Variants in TECRL observed in about 807,000 individuals in gnomAD.
The protein encoded by TECRL is trans-2,3-enoyl-CoA reductase like.
Under a neutral mutation model 52.8 loss-of-function variants are expected in TECRL, and 63 were observed. The ratio of observed to expected loss-of-function variants is 1.19; its 90% confidence interval spans 0.97 to 1.47. The LOEUF is 1.47. TECRL is among the 40% of genes most tolerant of loss of function. TECRL has a pLI of 0.00. For synonymous variants in TECRL, 164 were observed against 141.9 expected (o/e 1.16, Z -1.10); for missense variants, 482 against 429.6 (o/e 1.12, Z -1.08).
chr4:64,318,337 A>G (rs564919043), intron 4 of TECRL, among the ~76,000 whole-genome samples: 1 of 152,242 alleles, frequency 6.6e-6, no homozygotes, highest in South Asian at 2.1e-4. Context: ...TCAGATATGT[A>G]AAAACTTTGA....
At chr4:64,304,207 G>A (rs1209574476) in intron 7 of TECRL, among the ~76,000 whole-genome samples, 1 of 151,800 alleles carries the variant, frequency 6.6e-6, no homozygotes, top group Non-Finnish European at 1.5e-5. Context: ...CGTTGTAAAG[G>A]TAATAAGTAC....
chr4:64,285,750 A>T (rs1723047457), intron 9 of TECRL, among the ~76,000 whole-genome samples: 2 of 152,126 alleles, frequency 1.3e-5, no homozygotes, highest in African/African-American at 4.8e-5. Context: ...ATTATCTGAA[A>T]TTAGTTGAGG....
At chr4:64,330,247 T>C (rs1356768070) in intron 2 of TECRL, among the ~76,000 whole-genome samples, 1 of 152,074 alleles carries the variant, frequency 6.6e-6, no homozygotes, top group African/African-American at 2.4e-5. Flanking sequence ...TGCCAATTTA[T>C]TTTCTGAAAT....
In TECRL at chr4:64,279,376, A is replaced by G. The variant is rs1347928140; in HGVS notation, c.*696T>C. On this transcript the variant is annotated 3_prime_UTR_variant, in exon 12 of 12. Transcript: ENST00000381210. ...GGAGCAACCTCGAGTAGCTGGGACT[A>G]CCTACTGGCATGTGCCACCACGCCC... 1 of 152,120 alleles carries G rather than the reference A, an allele frequency of 6.6e-6. No homozygotes were observed. Among genetic ancestry groups the G allele is most frequent in the East Asian group, 1.9e-4 (1 of 5,176 alleles). The allele number at this position is 152,120 out of a possible 1,614,324, so 9.4% of individuals were successfully genotyped here.
intron 4 of TECRL, among the ~76,000 whole-genome samples, 195 bp downstream of exon 4, chr4:64,322,494 T>C (rs1005785594): frequency 2.0e-5 from 3 of 151,780 alleles, no homozygotes; most frequent in South Asian, 4.2e-4. Context: ...TCTTCCTTTT[T>C]CAAAACTGTG....
rs202064694 is a variant in TECRL, at chr4:64,361,466, G to C, written c.286+13706C>G. ...AATTTTTCATGCAGCCCCCATTGGA[G>C]TGTGGTTGCCAGAAGATTGGGAACA... On this transcript the variant is annotated intron_variant, in intron 2 of 11. Coordinates refer to ENST00000381210, the MANE Select transcript of TECRL (RefSeq NM_001010874.5). Among the ~76,000 whole-genome samples the C allele has an allele frequency of 7.2e-5, 11 of 152,264 alleles. No individual in the cohort carries two copies. The East Asian group carries it at 2.1e-3, about 29-fold the overall frequency.
At chr4:64,306,246 A>G (rs1352321455) in intron 6 of TECRL, among the ~76,000 whole-genome samples, 3 of 152,150 alleles carry the variant, frequency 2.0e-5, no homozygotes, top group Non-Finnish European at 2.9e-5. Flanking sequence ...GGACTTTGTC[A>G]AAACCTCTTC....
At chr4:64,293,023 A>G (rs1487694270) in intron 8 of TECRL, among the ~76,000 whole-genome samples, 1 of 152,012 alleles carries the variant, frequency 6.6e-6, no homozygotes, top group African/African-American at 2.4e-5. Flanking sequence ...CTTATATCAT[A>G]TAATCTTTAT....
intron 2 of TECRL, among the ~76,000 whole-genome samples, chr4:64,340,380 G>C (rs553666196): frequency 1.3e-5 from 2 of 152,192 alleles, no homozygotes; most frequent in East Asian, 3.9e-4. Context: ...GGGAGGCCCC[G>C]CTGCCTTCAC....
chr4:64,287,968 G>T (rs944973954), intron 9 of TECRL, among the ~76,000 whole-genome samples: 1 of 151,964 alleles, frequency 6.6e-6, no homozygotes, highest in Admixed American at 6.6e-5. Context: ...CCAACATGGC[G>T]AAACCCTGTC....
At chr4:64,365,993 G>A (rs1721574937) in intron 2 of TECRL, among the ~76,000 whole-genome samples, 1 of 151,994 alleles carries the variant, frequency 6.6e-6, no homozygotes, top group Non-Finnish European at 1.5e-5. Context: ...CTACTACAAG[G>A]CAATAGTAAT....
At chr4:64,388,192 T>C (rs1364970957) in intron 1 of TECRL, among the ~76,000 whole-genome samples, 1 of 147,662 alleles carries the variant, frequency 6.8e-6, no homozygotes, top group African/African-American at 2.5e-5. Flanking sequence ...AGTTAATTTG[T>C]GTGAAATGTG....
At chr4:64,304,697 C>A (rs7656244) in intron 7 of TECRL, among the ~76,000 whole-genome samples, 31,971 of 151,820 alleles carry the variant, frequency 0.21, 3,520 homozygotes, top group South Asian at 0.28. Context: ...GTACATTCAA[C>A]CAAATGTTTC....
intron 1 of TECRL, among the ~76,000 whole-genome samples, chr4:64,382,036 T>C (rs751819689): frequency 6.6e-5 from 10 of 151,748 alleles, no homozygotes; most frequent in Non-Finnish European, 1.5e-4. Context: ...ACAAGTTTGA[T>C]GGAATTCACC....
At chr4:64,284,607 C>T (rs183561734) in intron 9 of TECRL, among the ~76,000 whole-genome samples, 3 of 152,112 alleles carry the variant, frequency 2.0e-5, no homozygotes, top group Non-Finnish European at 4.4e-5. Flanking sequence ...ACACCACTCC[C>T]TAGAAAATCA....
At chr4:64,405,784 A>G (rs748315067) in intron 1 of TECRL, among the ~76,000 whole-genome samples, 4 of 152,140 alleles carry the variant, frequency 2.6e-5, no homozygotes, top group Non-Finnish European at 5.9e-5. Flanking sequence ...ATCAGCAATA[A>G]GGAAAGGGAA....
At chr4:64,354,751 G>A (rs1446022636) in intron 2 of TECRL, among the ~76,000 whole-genome samples, 1 of 152,168 alleles carries the variant, frequency 6.6e-6, no homozygotes, top group African/African-American at 2.4e-5. Flanking sequence ...ACTAAGCTAG[G>A]TGATAAATCT....
chr4:64,292,280 A>G (rs1358000119), intron 8 of TECRL, among the ~76,000 whole-genome samples: 1 of 151,972 alleles, frequency 6.6e-6, no homozygotes, highest in African/African-American at 2.4e-5. Context: ...AGTAAGTTTA[A>G]AAAGAAATTT....
chr4:64,361,450 T>A (rs1721188607), intron 2 of TECRL, among the ~76,000 whole-genome samples: 7 of 152,140 alleles, frequency 4.6e-5, no homozygotes, highest in Admixed American at 4.6e-4. Flanking sequence ...AAATTTTTCA[T>A]GCAGCCCCCA....
Sources: allele counts gnomAD v4.1 joint callset (sites outside exome capture counted in the v4.1 genomes callset), GRCh38; gene constraint gnomAD v4.1.1; transcripts MANE v1.5; gene names NCBI Gene and HGNC (gene_info 2026-07-23, HGNC 2026-07-21).